Variants in WDR49 observed in about 807,000 individuals in gnomAD.
WDR49 encodes the protein cilia- and flagella-associated protein 337.
In WDR49, 107 loss-of-function variants were observed where a neutral mutation model predicts 119.5. That is an observed-to-expected ratio of 0.90 (90% confidence interval 0.77 to 1.05). WDR49 has a LOEUF of 1.05. Among genes scored for constraint, WDR49 ranks in the 50% least tolerant of loss-of-function variants. The pLI is 0.00. For missense variants in WDR49, 1,240 were observed against 1,220.5 expected (o/e 1.02, Z -0.24); for synonymous variants, 425 against 418.8 (o/e 1.01, Z -0.18).
intron 18 of WDR49, among the ~76,000 whole-genome samples, chr3:167,490,933 T>G (rs1045638272): frequency 9.5e-6 from 1 of 104,940 alleles, no homozygotes; most frequent in Non-Finnish European, 1.9e-5. Flanking sequence ...ATCTTATGTG[T>G]TTTTTTTCAA....
In WDR49 at chr3:167,604,460, T is replaced by C; in HGVS notation, c.967A>G (p.Asn323Asp). Residue 323 changes from asparagine (N) to aspartate (D), a missense_variant, in exon 6 of 19, where the codon AAT (asparagine) becomes GAT (aspartate). Asn to Asp is a conservative substitution (Grantham distance 23). Transcript: ENST00000682715. ...QGDWVRQVTYNASLDAIISST... is the reference protein window; with the variant it reads ...QGDWVRQVTYDASLDAIISST... The stretch of plus-strand genomic sequence containing the variant: ...GAAATGATAGCGTCTAAAGATGCAT[T>C]GTAAGTAACTGATAAAAAATTAAAA... 1 of 1,598,046 alleles carries C rather than the reference T, an allele frequency of 6.3e-7. No individual in the cohort carries two copies. The highest frequency in any genetic ancestry group is 8.5e-7 in the Non-Finnish European group (1 of 1,173,252).
chr3:167,528,028 A>G lies in WDR49; in HGVS notation c.2407-11T>C, dbSNP rs577963320. The G allele has an allele frequency of 1.9e-5, 30 of 1,602,934 alleles. No homozygotes were observed. In the Admixed American group the frequency reaches 4.9e-4, roughly 26 times the overall value. On this transcript the variant is annotated splice_polypyrimidine_tract_variant and intron_variant, in intron 14 of 18. Transcript: ENST00000682715. ...GTTAAGACAGTACTCCTGAATGAAA[A>G]GAAATACCAGAACTCTAAAAAATTC...
chr3:167,652,205 T>A (rs906479228), intron 2 of WDR49, among the ~76,000 whole-genome samples: 1 of 152,194 alleles, frequency 6.6e-6, no homozygotes, highest in Admixed American at 6.5e-5. Context: ...CTAAATATGA[T>A]AAGTTCTATT....
At chr3:167,531,073 C>T (rs56412665) in intron 13 of WDR49, 42 bp downstream of exon 13, 6 of 1,575,514 alleles carry the variant, frequency 3.8e-6, no homozygotes, top group African/African-American at 1.4e-5. Flanking sequence ...TTCTTTATTG[C>T]TCCCTTTCCA....
At chr3:167,624,362 G>GA (rs972241050) in intron 3 of WDR49, among the ~76,000 whole-genome samples, 3 of 148,900 alleles carry the variant, frequency 2.0e-5, no homozygotes, top group Admixed American at 6.7e-5. Context: ...AAAAAGAAAA[G>GA]AAAAAAAGGA....
At chr3:167,650,815 T>C (rs1215648350) in intron 2 of WDR49, among the ~76,000 whole-genome samples, 8 of 152,206 alleles carry the variant, frequency 5.3e-5, no homozygotes, top group Non-Finnish European at 7.3e-5. Context: ...GCATGCACTT[T>C]TTAAAGTGCT....
chr3:167,566,116 A>G (rs6788731), intron 8 of WDR49, among the ~76,000 whole-genome samples: 63,121 of 152,014 alleles, frequency 0.42, 13,955 homozygotes, highest in African/African-American at 0.57. Context: ...GTGATGATGA[A>G]AGAGGCTGAG....
chr3:167,531,039 G>A (rs1752832895), intron 13 of WDR49, 76 bp downstream of exon 13: 4 of 1,459,974 alleles, frequency 2.7e-6, no homozygotes, highest in Admixed American at 4.1e-5. Context: ...AATTCTACAA[G>A]ATCTAGTAGA....
chr3:167,510,874 G>C (rs1289137482), intron 16 of WDR49, among the ~76,000 whole-genome samples: 1 of 124,642 alleles, frequency 8.0e-6, no homozygotes, highest in African/African-American at 3.1e-5. Context: ...ACCCCCACCT[G>C]CATATATACA....
At chr3:167,546,417 A>G (rs1030175029) in intron 10 of WDR49, among the ~76,000 whole-genome samples, 2 of 151,928 alleles carry the variant, frequency 1.3e-5, no homozygotes, top group African/African-American at 2.4e-5. Flanking sequence ...TATTTCAAAG[A>G]TAACTGTTTT....
intron 7 of WDR49, among the ~76,000 whole-genome samples, chr3:167,599,255 C>T (rs951119380): frequency 2.0e-5 from 3 of 152,092 alleles, no homozygotes; most frequent in Non-Finnish European, 2.9e-5. Context: ...GAAATCTACT[C>T]GGTGTTCTAT....
chr3:167,526,006 T>A, intron 15 of WDR49, among the ~76,000 whole-genome samples: 1 of 151,756 alleles, frequency 6.6e-6, no homozygotes, highest in East Asian at 1.9e-4. Context: ...TTGATAAAAG[T>A]CAATCCTTTA....
intron 7 of WDR49, among the ~76,000 whole-genome samples, chr3:167,600,952 G>T (rs74615483): frequency 0.028 from 4,313 of 152,236 alleles, 183 homozygotes; most frequent in East Asian, 0.17. Context: ...TTAAGAATTT[G>T]AGAGTTCATA....
chr3:167,543,477 T>C (rs547259225), intron 10 of WDR49, among the ~76,000 whole-genome samples: 7 of 152,246 alleles, frequency 4.6e-5, no homozygotes, highest in South Asian at 4.1e-4. Flanking sequence ...GATGCAGAGA[T>C]GGTTTAACAC....
chr3:167,479,971 C>T (rs944322216), intron 18 of WDR49, among the ~76,000 whole-genome samples: 1 of 151,862 alleles, frequency 6.6e-6, no homozygotes, highest in Non-Finnish European at 1.5e-5. Context: ...TGGCTCACGC[C>T]TATAATCCCA....
At chr3:167,542,385 G>A (rs754420883) in intron 10 of WDR49, among the ~76,000 whole-genome samples, 66 of 151,890 alleles carry the variant, frequency 4.3e-4, no homozygotes, top group Non-Finnish European at 6.5e-4. Flanking sequence ...CATAAAATAG[G>A]TGAAAAAACA....
At chr3:167,484,683 T>C (rs537543772) in intron 18 of WDR49, among the ~76,000 whole-genome samples, 1 of 119,112 alleles carries the variant, frequency 8.4e-6, no homozygotes, top group African/African-American at 3.5e-5. Flanking sequence ...TATCACAGGA[T>C]GATGGCAAAA....
intron 8 of WDR49, among the ~76,000 whole-genome samples, chr3:167,565,369 G>T (rs1713531137): frequency 8.0e-6 from 1 of 124,974 alleles, no homozygotes; most frequent in Admixed American, 9.0e-5. Context: ...AAAAAAAAAA[G>T]CATATCTATC....
At chr3:167,624,741 A>T (rs2108325317) in intron 3 of WDR49, among the ~76,000 whole-genome samples, 1 of 152,268 alleles carries the variant, frequency 6.6e-6, no homozygotes. Flanking sequence ...GAAACAGTGC[A>T]AAACAAATAT....
Sources: allele counts gnomAD v4.1 joint callset (sites outside exome capture counted in the v4.1 genomes callset), GRCh38; gene constraint gnomAD v4.1.1; transcripts MANE v1.5; gene names NCBI Gene and HGNC (gene_info 2026-07-23, HGNC 2026-07-21).